HS2ST1: variants seen among roughly 807,000 people sequenced by gnomAD.
HS2ST1 encodes heparan sulfate 2-O-sulfotransferase 1, also known as 2-O-sulfotransferase.
In HS2ST1, 18 loss-of-function variants were observed where a neutral mutation model predicts 42.9. That is an observed-to-expected ratio of 0.42 (90% CI 0.29 to 0.62). HS2ST1 has a LOEUF of 0.62. HS2ST1 is among the 20% of genes least tolerant of loss of function. HS2ST1 has a pLI of 0.21. For missense variants in HS2ST1, 334 were observed against 433.8 expected (o/e 0.77, Z 2.04); for synonymous variants, 146 against 152.9 (o/e 0.95, Z 0.33).
intron 1 of HS2ST1, among the ~76,000 whole-genome samples, chr1:87,052,785 A>G (rs943521257): frequency 1.3e-5 from 2 of 152,294 alleles, no homozygotes; most frequent in South Asian, 4.1e-4. Context: ...TAAAATTCCA[A>G]TTAATGGGGT....
chr1:87,074,925 C>G (rs2100636387), intron 2 of HS2ST1, among the ~76,000 whole-genome samples: 1 of 152,050 alleles, frequency 6.6e-6, no homozygotes, highest in South Asian at 2.1e-4. Flanking sequence ...ATCTCTTGTT[C>G]TATGTAGACG....
chr1:87,012,530 A>G (rs886520801), intron 1 of HS2ST1, among the ~76,000 whole-genome samples: 4 of 152,186 alleles, frequency 2.6e-5, no homozygotes, highest in Non-Finnish European at 4.4e-5. Context: ...TTCACAACAC[A>G]TGGGAATTAT....
chr1:87,055,582 A>T (rs1238421140), intron 1 of HS2ST1, among the ~76,000 whole-genome samples: 3 of 152,170 alleles, frequency 2.0e-5, no homozygotes, highest in Non-Finnish European at 2.9e-5. Flanking sequence ...AAAACTCTTT[A>T]AAAAAATGGC....
At chr1:87,033,051 T>G (rs1197040880) in intron 1 of HS2ST1, among the ~76,000 whole-genome samples, 2 of 152,218 alleles carry the variant, frequency 1.3e-5, no homozygotes, top group African/African-American at 4.8e-5. Context: ...ATAATAATGA[T>G]AAATGCCATT....
intron 1 of HS2ST1, among the ~76,000 whole-genome samples, chr1:87,062,867 C>G (rs1333585016): frequency 6.6e-6 from 1 of 152,094 alleles, no homozygotes; most frequent in Non-Finnish European, 1.5e-5. Context: ...CTCCATGGTT[C>G]GTGATAAGAA....
At chr1:86,917,260 T>C (rs1454221397) in intron 1 of HS2ST1, among the ~76,000 whole-genome samples, 1 of 152,218 alleles carries the variant, frequency 6.6e-6, no homozygotes, top group African/African-American at 2.4e-5. Flanking sequence ...GGCTCACGCC[T>C]GTAATCCCAG....
intron 3 of HS2ST1, among the ~76,000 whole-genome samples, chr1:87,086,130 C>T (rs1438525034): frequency 6.6e-6 from 1 of 152,038 alleles, no homozygotes; most frequent in East Asian, 1.9e-4. Flanking sequence ...GCCATATGCT[C>T]CATAAATGGG....
chr1:87,064,214 A>C (rs1416993341), intron 1 of HS2ST1, among the ~76,000 whole-genome samples: 1 of 151,978 alleles, frequency 6.6e-6, no homozygotes, highest in African/African-American at 2.4e-5. Context: ...TTTTGTAGGG[A>C]TTCTTTTGTC....
At chr1:86,977,070 C>T (rs1648435918) in intron 1 of HS2ST1, among the ~76,000 whole-genome samples, 1 of 151,888 alleles carries the variant, frequency 6.6e-6, no homozygotes, top group Non-Finnish European at 1.5e-5. Context: ...ACAACAACAA[C>T]AACAAAAACC....
At chr1:86,972,420 T>C (rs1648259296) in intron 1 of HS2ST1, among the ~76,000 whole-genome samples, 1 of 152,158 alleles carries the variant, frequency 6.6e-6, no homozygotes, top group Admixed American at 6.5e-5. Context: ...GGTGTAATCA[T>C]AGCTCACTGT....
intron 1 of HS2ST1, among the ~76,000 whole-genome samples, chr1:87,043,819 GAAAT>G (rs927523070): frequency 4.6e-4 from 70 of 152,072 alleles, no homozygotes; most frequent in African/African-American, 1.6e-3. Flanking sequence ...TATATGTATA[GAAAT>G]AAATATTTAA....
chr1:86,936,950 A>G (rs1660667567), intron 1 of HS2ST1, among the ~76,000 whole-genome samples: 1 of 150,984 alleles, frequency 6.6e-6, no homozygotes, highest in South Asian at 2.1e-4. Flanking sequence ...AAAAAAAAAA[A>G]AAAAATTAGC....
At chr1:86,942,287 C>A (rs767295723) in intron 1 of HS2ST1, among the ~76,000 whole-genome samples, 9 of 152,164 alleles carry the variant, frequency 5.9e-5, no homozygotes, top group Admixed American at 6.5e-5. Context: ...CTCAAACCAG[C>A]CAACTCTTTC....
intron 2 of HS2ST1, among the ~76,000 whole-genome samples, chr1:87,080,840 G>C (rs956888774): frequency 5.3e-5 from 8 of 152,074 alleles, no homozygotes; most frequent in African/African-American, 1.7e-4. Flanking sequence ...AAGTAACAAG[G>C]GGCAGAGCTC....
intron 1 of HS2ST1, among the ~76,000 whole-genome samples, chr1:87,042,287 GTTTCC>G (rs1339842069): frequency 6.6e-6 from 1 of 152,020 alleles, no homozygotes; most frequent in Non-Finnish European, 1.5e-5. Context: ...CCATTTCATT[GTTTCC>G]TTTGCTATGC....
At chr1:87,044,789 G>A (rs1006567389) in intron 1 of HS2ST1, 4 of 518,878 alleles carry the variant, frequency 7.7e-6, no homozygotes, top group Non-Finnish European at 1.4e-5. Flanking sequence ...CTAGCAAAAT[G>A]AATGCTTTCA....
chr1:86,940,050 G>GT (rs915574295), intron 1 of HS2ST1, among the ~76,000 whole-genome samples: 4 of 151,840 alleles, frequency 2.6e-5, no homozygotes, highest in East Asian at 1.9e-4. Context: ...TGCCTTCTAG[G>GT]TTTTTTTTCT....
rs1223527172 is a variant in HS2ST1 at position 87,058,735 on chromosome 1, T to C, written c.125-14199T>C. Among the ~76,000 whole-genome samples the C allele has an allele frequency of 4.0e-5, 6 of 151,598 alleles. 1 individual carries two copies. The highest frequency in any genetic ancestry group is 1.5e-4 in the African/African-American group (6 of 40,932). On this transcript the variant is annotated intron_variant, in intron 1 of 6. Coordinates refer to ENST00000370550, the MANE Select transcript of HS2ST1 (RefSeq NM_012262.4). ...TCCGTAATGTTACCATATAGGATTATTGCAAGAATTAGGTGAAGTAATGTA... is the reference window on the plus strand; with the variant it reads ...TCCGTAATGTTACCATATAGGATTACTGCAAGAATTAGGTGAAGTAATGTA...
intron 1 of HS2ST1, among the ~76,000 whole-genome samples, chr1:87,060,438 G>A (rs1651089182): frequency 6.6e-6 from 1 of 152,092 alleles, no homozygotes. Context: ...AGTATAATGT[G>A]GAACATGAGC....
Sources: allele counts gnomAD v4.1 joint callset (sites outside exome capture counted in the v4.1 genomes callset), GRCh38; gene constraint gnomAD v4.1.1; transcripts MANE v1.5; gene names NCBI Gene and HGNC (gene_info 2026-07-23, HGNC 2026-07-21).